PRMT8: variants seen among roughly 807,000 people sequenced by gnomAD.
The protein encoded by PRMT8 is protein arginine methyltransferase 8, also known as protein arginine N-methyltransferase 8.
PRMT8 carries 7 observed loss-of-function variants against 47.1 expected under a neutral mutation model. That is an observed-to-expected ratio of 0.15 (90% CI 0.08 to 0.28). The LOEUF (loss-of-function observed/expected upper bound fraction) is 0.28. Among genes scored for constraint, PRMT8 ranks in the 10% least tolerant of loss-of-function variants. The probability of loss-of-function intolerance (pLI) is 1.00; values close to 1 mark genes in which losing one functional copy is unlikely to be tolerated. For synonymous variants in PRMT8, 188 were observed against 186.5 expected (o/e 1.01, Z -0.07); for missense variants, 237 against 505.4 (o/e 0.47, Z 5.09).
intron 1 of PRMT8, among the ~76,000 whole-genome samples, chr12:3,417,573 G>A (rs1032924829): frequency 2.0e-5 from 3 of 152,166 alleles, no homozygotes; most frequent in Non-Finnish European, 2.9e-5. Context: ...GGTAGGGCAG[G>A]AGGAGCTTTA....
rs747208913 is a variant in PRMT8 at position 3,568,791 on chromosome 12, C to T, written c.567C>T (p.Tyr189=). 3 of 1,614,176 alleles carry T rather than the reference C, an allele frequency of 1.9e-6. No individual in the cohort carries two copies. Among genetic ancestry groups the T allele is most frequent in the Admixed American group, 3.3e-5 (2 of 60,018 alleles). The part of the protein sequence containing the change: ...VDIIISEWMG[Y]CLFYESMLNT... ...TCATCATCAGCGAGTGGATGGGCTA[C>T]TGTCTGTTCTATGAGTCCATGCTCA... is the stretch of plus-strand genomic sequence containing the variant. Residue 189 remains tyrosine (Y), a synonymous_variant, in exon 5 of 10, where the codon TAC becomes TAT. Coordinates refer to ENST00000382622, the MANE Select transcript of PRMT8 (RefSeq NM_019854.5).
intron 8 of PRMT8, among the ~76,000 whole-genome samples, chr12:3,590,632 T>TAA (rs34781623): frequency 3.5e-4 from 46 of 130,908 alleles, no homozygotes; most frequent in South Asian, 1.3e-3. Context: ...TCCTTAGTCC[T>TAA]AAAAAAAAAA....
At position 3,514,984 on chromosome 12, in the gene PRMT8, T is replaced by G. The variant is rs964422598; in HGVS notation, c.75+23284T>G. Among the ~76,000 whole-genome samples, 13 of 152,224 alleles carry G rather than the reference T, an allele frequency of 8.5e-5. No individual in the cohort carries two copies. The highest frequency in any genetic ancestry group is 3.1e-4 in the African/African-American group (13 of 41,466). On this transcript the variant is annotated intron_variant, in intron 1 of 9. Transcript: ENST00000382622. This position sits in a 1 kb window ranked among gnomAD's most constrained non-coding sequence, Gnocchi z 5.9. ...ATTATGGATGCCATTCATCCAGCAC[T>G]TGCTATGTGCCAGGCACTTTTCGAA...
At chr12:3,398,035 C>T (rs1479008753) in intron 1 of PRMT8, among the ~76,000 whole-genome samples, 6 of 152,198 alleles carry the variant, frequency 3.9e-5, no homozygotes, top group African/African-American at 9.7e-5. Flanking sequence ...TTGCGCTTCC[C>T]GAGGAGGCAA....
chr12:3,497,948 C>T (rs1425550746), intron 1 of PRMT8, among the ~76,000 whole-genome samples: 2 of 152,158 alleles, frequency 1.3e-5, no homozygotes, highest in African/African-American at 4.8e-5. Flanking sequence ...CCTGTGGACT[C>T]CTGGGTCTGT....
intron 1 of PRMT8, among the ~76,000 whole-genome samples, chr12:3,407,182 C>G (rs1864380963): frequency 6.6e-6 from 1 of 152,122 alleles, no homozygotes; most frequent in African/African-American, 2.4e-5. Context: ...AGAACTCACT[C>G]ACTATAACAA....
chr12:3,393,280 T>TCCTTGC (rs1224563125), intron 1 of PRMT8, among the ~76,000 whole-genome samples: 1 of 145,128 alleles, frequency 6.9e-6, no homozygotes, highest in Non-Finnish European at 1.5e-5. Context: ...AGACATGAAG[T>TCCTTGC]CCTTGCCCAT....
chr12:3,590,501 T>A (rs932304802), intron 8 of PRMT8, among the ~76,000 whole-genome samples: 1 of 152,146 alleles, frequency 6.6e-6, no homozygotes, highest in African/African-American at 2.4e-5. Flanking sequence ...TAATCATGCC[T>A]AGTGACTAGC....
intron 1 of PRMT8, among the ~76,000 whole-genome samples, chr12:3,520,923 A>G (rs1300883025): frequency 6.6e-6 from 1 of 152,170 alleles, no homozygotes; most frequent in Non-Finnish European, 1.5e-5. Context: ...GTAAAAAGCC[A>G]CCTGCTCCCA....
rs764330519 is a variant in PRMT8 at position 3,491,638 on chromosome 12, C to A, written c.13C>A (p.His5Asn). The A allele has an allele frequency of 1.2e-6, 2 of 1,612,746 alleles. No homozygotes were observed. The highest frequency in any genetic ancestry group is 2.7e-5 in the African/African-American group (2 of 74,760). Residue 5 changes from histidine to asparagine, a missense_variant, in exon 1 of 10, where the codon CAC (histidine) becomes AAC (asparagine). Around this residue, in one of 5 missense-constraint regions of PRMT8, gnomAD observed 11 missense variants for 36.1 expected, o/e 0.31. Coordinates refer to ENST00000382622, the MANE Select transcript of PRMT8 (RefSeq NM_019854.5). The stretch of plus-strand genomic sequence containing the variant: ...CTTGCCGGCTCTTATGGGCATGAAA[C>A]ACTCCTCCCGCTGCCTGCTCCTGAG... MGMK[H>N]SSRCLLLRRK...
At chr12:3,592,115 T>C (rs1867319027) in intron 8 of PRMT8, 116 bp from the exon 9 acceptor site, 1 of 1,249,416 alleles carries the variant, frequency 8.0e-7, no homozygotes, top group Non-Finnish European at 1.1e-6. Flanking sequence ...GGGTGGGTGG[T>C]TTCAGTGAGT....
At chr12:3,484,545 A>G (rs1043126741) in intron 1 of PRMT8, among the ~76,000 whole-genome samples, 4 of 152,202 alleles carry the variant, frequency 2.6e-5, no homozygotes, top group African/African-American at 7.2e-5. Context: ...TAACAATACT[A>G]TGTCCCAGGA....
chr12:3,578,391 A>ATT (rs34112556), intron 7 of PRMT8, among the ~76,000 whole-genome samples: 19 of 146,752 alleles, frequency 1.3e-4, no homozygotes, highest in African/African-American at 1.5e-4. Context: ...GGCATGGCTA[A>ATT]TTTTTTTTTT....
intron 1 of PRMT8, among the ~76,000 whole-genome samples, chr12:3,483,762 CAAT>C (rs369209235): frequency 6.6e-6 from 1 of 152,296 alleles, no homozygotes; most frequent in African/African-American, 2.4e-5. Flanking sequence ...ATAATACATA[CAAT>C]GAGTCAAAGA....
chr12:3,548,875 A>G (rs1235303182), intron 2 of PRMT8, among the ~76,000 whole-genome samples: 1 of 152,238 alleles, frequency 6.6e-6, no homozygotes, highest in African/African-American at 2.4e-5. Context: ...TATTATGAAT[A>G]AATAGCAAAA....
chr12:3,521,388 A>ATTTT lies in PRMT8; in HGVS notation c.76-19218_76-19217insTTTT, dbSNP rs1425594957. 3.9e-3 allele frequency among the ~76,000 whole-genome samples: 587 copies of ATTTT among 152,262 alleles called. 5 individuals are homozygous for ATTTT. Among genetic ancestry groups the ATTTT allele is most frequent in the African/African-American group, 0.013 (554 of 41,542 alleles). The stretch of plus-strand genomic sequence containing the variant: ...CAGGAGTACGAGACCAGCCTGGCCA[A>ATTTT]CATGACGAAACCCCGTCTCTACTAA... On this transcript the variant is annotated intron_variant, in intron 1 of 9. Coordinates refer to ENST00000382622, the MANE Select transcript of PRMT8 (RefSeq NM_019854.5).
intron 2 of PRMT8, among the ~76,000 whole-genome samples, chr12:3,543,348 A>G (rs1196230627): frequency 6.6e-6 from 1 of 152,212 alleles, no homozygotes; most frequent in African/African-American, 2.4e-5. Flanking sequence ...CGCAGAGAGA[A>G]GGCCTACCCA....
chr12:3,491,831 C>T, intron 1 of PRMT8, 131 bp downstream of exon 1: 1 of 738,920 alleles, frequency 1.4e-6, no homozygotes, highest in Non-Finnish European at 1.9e-6. Flanking sequence ...CCGGCCTCCT[C>T]CTGTGTGTGT....
rs1326458201 is a variant in PRMT8, at chr12:3,538,969, C to G, written c.76-1637C>G. The stretch of plus-strand genomic sequence containing the variant: ...ACCATCCCACTGCCCCCAGCTCACT[C>G]CCCTGCAGCCCTGGACACAGAACAG... On this transcript the variant is annotated intron_variant, in intron 1 of 9. Transcript: ENST00000382622. The surrounding 1 kb of genome is among the most constrained non-coding windows in gnomAD (Gnocchi z 4.6). Among the ~76,000 whole-genome samples the G allele has an allele frequency of 2.6e-5, 4 of 152,194 alleles. No individual in the cohort carries two copies. The highest frequency in any genetic ancestry group is 6.5e-5 in the Admixed American group (1 of 15,282).
Sources: allele counts gnomAD v4.1 joint callset (sites outside exome capture counted in the v4.1 genomes callset), GRCh38; gene constraint gnomAD v4.1.1; regional missense constraint gnomAD v4.1.1; non-coding constraint Gnocchi (gnomAD v3.1); transcripts MANE v1.5; gene names NCBI Gene and HGNC (gene_info 2026-07-23, HGNC 2026-07-21).